PTPRT: variants seen among roughly 807,000 people sequenced by gnomAD.
PTPRT encodes protein tyrosine phosphatase receptor type T, also known as receptor-type tyrosine-protein phosphatase T.
In PTPRT, 56 loss-of-function variants were observed where a neutral mutation model predicts 176.8. The ratio of observed to expected loss-of-function variants is 0.32; its 90% CI spans 0.26 to 0.40. The LOEUF is 0.40. Among genes scored for constraint, PTPRT ranks in the 10% least tolerant of loss-of-function variants. The pLI is 1.00. For missense variants in PTPRT, 1,540 were observed against 1,908.2 expected (o/e 0.81, Z 3.60); for synonymous variants, 783 against 739.0 (o/e 1.06, Z -0.96).
At chr20:42,989,865 A>G (rs1195844016) in intron 1 of PTPRT, among the ~76,000 whole-genome samples, 1 of 152,254 alleles carries the variant, frequency 6.6e-6, no homozygotes. Flanking sequence ...TGAGCACAGA[A>G]AAACCTCCAG....
intron 7 of PTPRT, among the ~76,000 whole-genome samples, chr20:42,494,820 C>A (rs907984236): frequency 6.6e-6 from 1 of 152,090 alleles, no homozygotes; most frequent in African/African-American, 2.4e-5. Context: ...TGGATAGATA[C>A]GTGAAATAAA....
At chr20:42,783,330 T>A (rs553605594) in intron 3 of PTPRT, among the ~76,000 whole-genome samples, 1 of 151,700 alleles carries the variant, frequency 6.6e-6, no homozygotes, top group Admixed American at 6.6e-5. Flanking sequence ...TGTCAGCTAA[T>A]ATGAAAATAT....
At chr20:42,994,158 C>T (rs753771865) in intron 1 of PTPRT, among the ~76,000 whole-genome samples, 1 of 152,144 alleles carries the variant, frequency 6.6e-6, no homozygotes, top group Admixed American at 6.5e-5. Context: ...CACATAAGAC[C>T]ACCTCATTTC....
At chr20:42,576,637 G>A (rs1339991646) in intron 7 of PTPRT, among the ~76,000 whole-genome samples, 1 of 152,102 alleles carries the variant, frequency 6.6e-6, no homozygotes, top group East Asian at 1.9e-4. Context: ...TTCTGACCCA[G>A]GAGTTATCTG....
chr20:42,499,924 T>C (rs1881241064), intron 7 of PTPRT, among the ~76,000 whole-genome samples: 1 of 152,242 alleles, frequency 6.6e-6, no homozygotes, highest in African/African-American at 2.4e-5. Flanking sequence ...CTTAAGTTCA[T>C]TAATTCTACT....
At chr20:42,221,772 G>A (rs989770981) in intron 15 of PTPRT, among the ~76,000 whole-genome samples, 2 of 152,024 alleles carry the variant, frequency 1.3e-5, no homozygotes, top group Admixed American at 6.6e-5. Flanking sequence ...ACCCACCCTG[G>A]CCTCCCAAAG....
rs556543484 is a variant in PTPRT at position 42,559,902 on chromosome 20, G to A, written c.1154-87340C>T. Among the ~76,000 whole-genome samples the A allele has an allele frequency of 2.0e-5, 3 of 152,282 alleles. No individual in the cohort carries two copies. In the East Asian group the frequency reaches 5.8e-4, roughly 29 times the overall value. On this transcript the variant is annotated intron_variant, in intron 7 of 30. Transcript: ENST00000373187. ...GCCGGGTGGGAGGTGAGAAGTTTTT[G>A]AACTGTATGAAAATCCATATTTCAG...
At chr20:42,861,765 T>G (rs1368879759) in intron 2 of PTPRT, among the ~76,000 whole-genome samples, 1 of 151,388 alleles carries the variant, frequency 6.6e-6, no homozygotes, top group Non-Finnish European at 1.5e-5. Context: ...TCACAGAAGG[T>G]GACATTTGAG....
At chr20:42,686,660 T>C (rs1042172869) in intron 6 of PTPRT, among the ~76,000 whole-genome samples, 7 of 151,640 alleles carry the variant, frequency 4.6e-5, no homozygotes, top group African/African-American at 1.7e-4. Flanking sequence ...GCCCGGCTAA[T>C]TTTTTATATT....
At chr20:43,086,489 C>T (rs187784839) in intron 1 of PTPRT, among the ~76,000 whole-genome samples, 1 of 152,238 alleles carries the variant, frequency 6.6e-6, no homozygotes. Flanking sequence ...TTAACATCGA[C>T]AGCCAAAGCA....
At chr20:42,790,237 AACAAAACTTT>A (rs2077353014) in intron 3 of PTPRT, among the ~76,000 whole-genome samples, 1 of 150,404 alleles carries the variant, frequency 6.6e-6, no homozygotes, top group Admixed American at 6.6e-5. Flanking sequence ...AAAAAAAAAA[AACAAAACTTT>A]CAATGGCCCC....
chr20:42,720,121 A>G (rs1367909119), intron 6 of PTPRT, among the ~76,000 whole-genome samples: 2 of 152,372 alleles, frequency 1.3e-5, no homozygotes, highest in Non-Finnish European at 2.9e-5. Context: ...TTTACAGGGA[A>G]AAAAGAAATC....
intron 6 of PTPRT, among the ~76,000 whole-genome samples, chr20:42,691,373 C>T (rs1366979177): frequency 2.0e-5 from 3 of 152,200 alleles, no homozygotes; most frequent in Non-Finnish European, 2.9e-5. Context: ...GTGTCTGTGG[C>T]TTTAGAGATA....
At chr20:42,120,607 C>T (rs1485911082) in intron 19 of PTPRT, among the ~76,000 whole-genome samples, 1 of 152,158 alleles carries the variant, frequency 6.6e-6, no homozygotes, top group Non-Finnish European at 1.5e-5. Context: ...CATTTCAGAG[C>T]ACTACAGTAG....
chr20:42,976,958 T>C (rs1456468187), intron 1 of PTPRT, among the ~76,000 whole-genome samples: 3 of 152,238 alleles, frequency 2.0e-5, no homozygotes, highest in Non-Finnish European at 4.4e-5. Flanking sequence ...CTATGTCAGC[T>C]TTTGAAGAGG....
At chr20:42,445,053 T>G (rs2145843173) in intron 9 of PTPRT, among the ~76,000 whole-genome samples, 1 of 152,270 alleles carries the variant, frequency 6.6e-6, no homozygotes, top group Non-Finnish European at 1.5e-5. Context: ...AAGGATCTTG[T>G]TAAACTGGAG....
At chr20:42,293,070 C>T (rs1239254897) in intron 12 of PTPRT, among the ~76,000 whole-genome samples, 2 of 152,194 alleles carry the variant, frequency 1.3e-5, no homozygotes, top group African/African-American at 4.8e-5. Flanking sequence ...TTTATGAGAT[C>T]TTCCTGGAAG....
At chr20:42,302,694 A>G (rs1308643126) in intron 12 of PTPRT, among the ~76,000 whole-genome samples, 2 of 152,162 alleles carry the variant, frequency 1.3e-5, no homozygotes, top group Non-Finnish European at 1.5e-5. Context: ...TAACTTATTT[A>G]TCTGTATTCC....
chr20:42,487,121 C>T (rs1485884394), intron 7 of PTPRT, among the ~76,000 whole-genome samples: 1 of 152,148 alleles, frequency 6.6e-6, no homozygotes, highest in East Asian at 1.9e-4. Context: ...TGTGGAGAGC[C>T]AGAAGATTCT....
Sources: gnomAD v4.1 joint callset for allele counts (sites outside exome capture counted in the v4.1 genomes callset) on GRCh38, gnomAD v4.1.1 for gene constraint, MANE v1.5 for transcripts, NCBI Gene and HGNC (gene_info 2026-07-23, HGNC 2026-07-21) for gene names.